The following CSMD1 variants were observed in gnomAD, a reference collection of about 807,000 sequenced individuals.
The protein encoded by CSMD1 is CUB and sushi domain-containing protein 1.
Under a neutral mutation model 417.5 loss-of-function variants are expected in CSMD1, and 213 were observed. The observed-to-expected ratio is 0.51, with a 90% CI of 0.46 to 0.57. CSMD1 has a LOEUF of 0.57. CSMD1 is among the 20% of genes least tolerant of loss of function. The probability of loss-of-function intolerance (pLI) is 0.00; values close to 1 mark genes in which losing one functional copy is unlikely to be tolerated. For synonymous variants in CSMD1, 2,862 were observed against 1,736.8 expected (o/e 1.65, Z -16.11); for missense variants, 6,923 against 4,529.7 (o/e 1.53, Z -15.17).
At chr8:4,070,371 G>T (rs2432744) in intron 3 of CSMD1, among the ~76,000 whole-genome samples, 110,608 of 151,970 alleles carry the variant, frequency 0.73, 41,001 homozygotes, top group South Asian at 0.85. Context: ...CACCTATAAT[G>T]TTTTGAGACA....
chr8:4,469,904 G>C (rs935176036), intron 2 of CSMD1, among the ~76,000 whole-genome samples: 1 of 150,152 alleles, frequency 6.7e-6, no homozygotes, highest in Non-Finnish European at 1.5e-5. Context: ...GTGTCGCTCT[G>C]TCGCCCTGGC....
chr8:3,944,096 A>G (rs1001554777), intron 5 of CSMD1, among the ~76,000 whole-genome samples: 1 of 152,202 alleles, frequency 6.6e-6, no homozygotes, highest in Non-Finnish European at 1.5e-5. Context: ...GAGAAAGAAT[A>G]AAGCAAATGT....
chr8:3,155,845 C>T (rs1007321810), intron 39 of CSMD1, among the ~76,000 whole-genome samples: 1 of 152,162 alleles, frequency 6.6e-6, no homozygotes, highest in South Asian at 2.1e-4. Context: ...ACGTTCTCTC[C>T]TGGATGAGCC....
chr8:3,504,952 A>G (rs1796761622), intron 10 of CSMD1, among the ~76,000 whole-genome samples: 1 of 152,180 alleles, frequency 6.6e-6, no homozygotes, highest in Non-Finnish European at 1.5e-5. Context: ...CTTAAGCACA[A>G]CAACAAAGAT....
intron 5 of CSMD1, among the ~76,000 whole-genome samples, chr8:3,983,166 T>G (rs1034410937): frequency 7.1e-6 from 1 of 140,064 alleles, no homozygotes; most frequent in African/African-American, 2.7e-5. Flanking sequence ...ACTCTCGCTC[T>G]GTCACCCAGG....
chr8:3,306,809 G>C (rs1000495462), intron 25 of CSMD1, among the ~76,000 whole-genome samples: 1 of 151,162 alleles, frequency 6.6e-6, no homozygotes, highest in Non-Finnish European at 1.5e-5. Context: ...ACAGATTTCT[G>C]AGTAGATCAC....
intron 3 of CSMD1, among the ~76,000 whole-genome samples, chr8:4,388,072 A>C (rs1353604961): frequency 6.6e-6 from 1 of 152,200 alleles, no homozygotes; most frequent in East Asian, 1.9e-4. Flanking sequence ...CATTTGGACT[A>C]ATGTCAGAAG....
At chr8:4,304,598 T>A (rs1252911387) in intron 3 of CSMD1, among the ~76,000 whole-genome samples, 2 of 152,124 alleles carry the variant, frequency 1.3e-5, no homozygotes, top group African/African-American at 4.8e-5. Flanking sequence ...CAAATCCTCT[T>A]TAATATTTCC....
chr8:3,919,810 A>G (rs1448030807), intron 5 of CSMD1, among the ~76,000 whole-genome samples: 3 of 152,044 alleles, frequency 2.0e-5, no homozygotes, highest in Admixed American at 2.0e-4. Context: ...TTTTCTTCAT[A>G]AATATTGTAT....
chr8:4,568,612 G>A (rs144875318), intron 2 of CSMD1, among the ~76,000 whole-genome samples: 42 of 152,126 alleles, frequency 2.8e-4, no homozygotes, highest in African/African-American at 9.9e-4. Flanking sequence ...ATAGAAAGAT[G>A]TATAATCCTA....
chr8:3,681,420 G>A (rs1417937691), intron 7 of CSMD1, among the ~76,000 whole-genome samples: 1 of 152,136 alleles, frequency 6.6e-6, no homozygotes, highest in Non-Finnish European at 1.5e-5. Context: ...GCCAAATCAT[G>A]AGTGAACTCC....
At chr8:3,300,744 G>T (rs1376302349) in intron 25 of CSMD1, among the ~76,000 whole-genome samples, 16 of 151,926 alleles carry the variant, frequency 1.1e-4, no homozygotes, top group Admixed American at 1.1e-3. Flanking sequence ...ATCATTGGAG[G>T]TCAGGAGTTT....
Position 4,105,717 on chromosome 8 carries a change from G to C in CSMD1, c.416-73618C>G, listed in dbSNP as rs549387441. 3.3e-5 allele frequency among the ~76,000 whole-genome samples: 5 copies of C among 152,296 alleles called. No homozygotes were observed. In the East Asian group the frequency reaches 7.7e-4, roughly 24 times the overall value. On this transcript the variant is annotated intron_variant, in intron 3 of 69. Coordinates refer to ENST00000635120, the MANE Select transcript of CSMD1 (RefSeq NM_033225.6). ...CCTAGGCTGGGGTACCCCATGGCAA[G>C]ATCAACCCACAGCTTTCTGGATCGT...
chr8:4,979,602 A>G (rs1810763627), intron 1 of CSMD1, among the ~76,000 whole-genome samples: 3 of 152,250 alleles, frequency 2.0e-5, no homozygotes, highest in Admixed American at 2.0e-4. Flanking sequence ...TCATTAAGAA[A>G]TCTAAAAATG....
intron 1 of CSMD1, among the ~76,000 whole-genome samples, chr8:4,780,977 C>G (rs1007181361): frequency 1.3e-5 from 2 of 152,192 alleles, no homozygotes; most frequent in South Asian, 2.1e-4. Flanking sequence ...GTCACTATCT[C>G]TCAATCAAAG....
At chr8:4,709,800 G>A (rs533067340) in intron 1 of CSMD1, among the ~76,000 whole-genome samples, 1 of 152,276 alleles carries the variant, frequency 6.6e-6, no homozygotes, top group Non-Finnish European at 1.5e-5. Context: ...GAAAGAGGCA[G>A]GAGAGGAAAA....
chr8:3,259,770 G>A (rs1444615), intron 26 of CSMD1, among the ~76,000 whole-genome samples: 117,205 of 152,162 alleles, frequency 0.77, 45,931 homozygotes, highest in Non-Finnish European at 0.84. Flanking sequence ...TTGGCAAACT[G>A]TATACTGGAA....
intron 3 of CSMD1, among the ~76,000 whole-genome samples, chr8:4,123,089 G>C (rs1435806345): frequency 6.6e-6 from 1 of 152,200 alleles, no homozygotes; most frequent in Non-Finnish European, 1.5e-5. Flanking sequence ...ATGCCAGTGA[G>C]ATTGGAAAAC....
chr8:3,997,509 A>G (rs1268915824), intron 5 of CSMD1, among the ~76,000 whole-genome samples: 2 of 152,242 alleles, frequency 1.3e-5, no homozygotes, highest in African/African-American at 2.4e-5. Flanking sequence ...AAGCACAATC[A>G]TATATCTGCA....
Sources: gnomAD v4.1 joint callset for allele counts (sites outside exome capture counted in the v4.1 genomes callset) on GRCh38, gnomAD v4.1.1 for gene constraint, MANE v1.5 for transcripts, NCBI Gene and HGNC (gene_info 2026-07-23, HGNC 2026-07-21) for gene names.